The following LRRC37A variants were observed in gnomAD, a reference collection of about 807,000 sequenced individuals.
LRRC37A encodes leucine-rich repeat-containing protein 37A.
A neutral mutation model predicts 35.4 loss-of-function variants in LRRC37A; 3 were observed. The observed-to-expected ratio is 0.08, with a 90% CI of 0.04 to 0.22. LRRC37A has a LOEUF of 0.22. Among genes scored for constraint, LRRC37A ranks in the 10% least tolerant of loss-of-function variants. LRRC37A has a pLI of 1.00. For synonymous variants in LRRC37A, 23 were observed against 215.0 expected (o/e 0.11, Z 7.81); for missense variants, 67 against 565.3 (o/e 0.12, Z 8.94).
the LRRC37A span, among the ~76,000 whole-genome samples, chr17:46,253,568 G>A: frequency 2.6e-5 from 4 of 152,216 alleles, no homozygotes; most frequent in Non-Finnish European, 5.9e-5. Context: ...CCAACGCAGC[G>A]AAACCCCGTC....
At chr17:46,266,763 C>T in the LRRC37A span, among the ~76,000 whole-genome samples, 5 of 152,076 alleles carry the variant, frequency 3.3e-5, no homozygotes, top group Non-Finnish European at 7.4e-5. Flanking sequence ...GCGCCCAGGC[C>T]TCAGCCGCCG....
At chr17:46,257,571 T>C in the LRRC37A span, among the ~76,000 whole-genome samples, 1 of 151,668 alleles carries the variant, frequency 6.6e-6, no homozygotes, top group Non-Finnish European at 1.5e-5. Flanking sequence ...ACCAGCACTT[T>C]GGGAGCCTGA....
chr17:46,286,536 T>G, the LRRC37A span, among the ~76,000 whole-genome samples: 1 of 152,258 alleles, frequency 6.6e-6, no homozygotes, highest in Admixed American at 6.5e-5. Flanking sequence ...CTCATTAATT[T>G]CTATGTTACA....
chr17:46,256,086 TAAAAG>T, the LRRC37A span, among the ~76,000 whole-genome samples: 2 of 151,542 alleles, frequency 1.3e-5, no homozygotes, highest in Non-Finnish European at 2.9e-5. Flanking sequence ...ATGAGTGTCT[TAAAAG>T]AAAAGACCAG....
chr17:46,253,778 G>A, the LRRC37A span, among the ~76,000 whole-genome samples: 1 of 148,170 alleles, frequency 6.7e-6, no homozygotes, highest in Non-Finnish European at 1.5e-5. Flanking sequence ...AGGGGGAGGG[G>A]AGGGGGAGAG....
upstream of LRRC37A, among the ~76,000 whole-genome samples, chr17:46,292,044 T>C (rs146510552): frequency 0.011 from 1,553 of 139,652 alleles, 64 homozygotes; most frequent in African/African-American, 0.036. Context: ...ATAGAGCAAT[T>C]TGACAGGCCA....
At chr17:46,266,750 G>C in the LRRC37A span, among the ~76,000 whole-genome samples, 1 of 152,080 alleles carries the variant, frequency 6.6e-6, no homozygotes, top group Admixed American at 6.5e-5. Context: ...ATCTGGGGAG[G>C]GGGCGCCCAG....
intron 3 of LRRC37A, among the ~76,000 whole-genome samples, chr17:46,304,961 T>C (rs1338347477): frequency 1.4e-5 from 1 of 71,128 alleles, no homozygotes. Flanking sequence ...GTCCGCCTCC[T>C]GGGTTCATGC....
Position 46,304,910 on chromosome 17 carries a change from C to A in LRRC37A, c.2754-599C>A, listed in dbSNP as rs1163924172. 1.2e-4 allele frequency among the ~76,000 whole-genome samples: 8 copies of A among 68,096 alleles called. 4 individuals carry two copies. Among genetic ancestry groups the A allele is most frequent in the Non-Finnish European group, 2.7e-4 (6 of 21,932 alleles). The allele number at this position is 68,096 out of a possible 152,430, so 44.7% of individuals were successfully genotyped here. A position where few individuals can be genotyped will look rare whatever the true frequency, so the allele number is the denominator to read the frequency against. On this transcript the variant is annotated intron_variant, in intron 3 of 13. Coordinates refer to ENST00000320254, the Ensembl canonical transcript of LRRC37A. ...TTGAGACGGAATCTCGCTCTGTCGC[C>A]CAGGCTGGAGTGCAGTGGTGCGATC... is the stretch of plus-strand genomic sequence containing the variant.
the LRRC37A span, among the ~76,000 whole-genome samples, chr17:46,279,872 G>A: frequency 6.6e-6 from 1 of 152,050 alleles, no homozygotes; most frequent in Non-Finnish European, 1.5e-5. Context: ...ACATTCTTTG[G>A]CTTAATCATA....
upstream of LRRC37A, among the ~76,000 whole-genome samples, chr17:46,290,001 G>A (rs1415762963): frequency 6.6e-6 from 1 of 152,224 alleles, no homozygotes; most frequent in Non-Finnish European, 1.5e-5. Context: ...TGCCTGTAGT[G>A]CCAACTACTT....
the LRRC37A span, among the ~76,000 whole-genome samples, chr17:46,273,614 T>C: frequency 2.0e-5 from 3 of 152,344 alleles, no homozygotes; most frequent in Non-Finnish European, 2.9e-5. Context: ...AAAGCTAATA[T>C]GAGTTAGAAT....
chr17:46,260,065 G>C, the LRRC37A span: 4 of 1,601,430 alleles, frequency 2.5e-6, no homozygotes, highest in Non-Finnish European at 3.4e-6. Context: ...TTTGAGCAGA[G>C]CGATCTGCCC....
At chr17:46,269,503 C>T in the LRRC37A span, among the ~76,000 whole-genome samples, 3 of 152,286 alleles carry the variant, frequency 2.0e-5, no homozygotes, top group South Asian at 2.1e-4. Context: ...GCCTGGGCAA[C>T]AAGAGCAAAA....
the LRRC37A span, among the ~76,000 whole-genome samples, chr17:46,258,050 T>A: frequency 6.6e-6 from 1 of 152,160 alleles, no homozygotes; most frequent in Non-Finnish European, 1.5e-5. Context: ...CAGGCTGTAG[T>A]TCCTTACTGA....
At chr17:46,324,677 G>GAT (rs1165300479) in intron 7 of LRRC37A, among the ~76,000 whole-genome samples, 1 of 6,370 alleles carries the variant, frequency 1.6e-4, no homozygotes, top group Non-Finnish European at 4.7e-3. Context: ...TATAGATATA[G>GAT]ATATATATAT....
At chr17:46,266,690 A>G in the LRRC37A span, among the ~76,000 whole-genome samples, 1 of 152,126 alleles carries the variant, frequency 6.6e-6, no homozygotes, top group Admixed American at 6.5e-5. Context: ...GCTCCGGTGG[A>G]GAGAAAAAGT....
chr17:46,285,518 G>T, the LRRC37A span, among the ~76,000 whole-genome samples: 1 of 152,174 alleles, frequency 6.6e-6, no homozygotes, highest in Non-Finnish European at 1.5e-5. Flanking sequence ...TGGGATTACA[G>T]GTGTGAGCCC....
At chr17:46,261,928 C>T in the LRRC37A span, among the ~76,000 whole-genome samples, 1 of 151,962 alleles carries the variant, frequency 6.6e-6, no homozygotes, top group Non-Finnish European at 1.5e-5. Flanking sequence ...ATAATGTTGA[C>T]AAAGAATCCT....
Sources: gnomAD v4.1 joint callset for allele counts (sites outside exome capture counted in the v4.1 genomes callset) on GRCh38, gnomAD v4.1.1 for gene constraint, MANE v1.5 for transcripts, NCBI Gene and HGNC (gene_info 2026-07-23, HGNC 2026-07-21) for gene names.